The following GRIK1 variants were observed in gnomAD, a reference collection of about 807,000 sequenced individuals.
The protein encoded by GRIK1 is glutamate receptor ionotropic, kainate 1.
GRIK1 carries 69 observed loss-of-function variants against 105.7 expected under a neutral mutation model. The ratio of observed to expected loss-of-function variants is 0.65; its 90% CI spans 0.54 to 0.80. GRIK1 has a LOEUF of 0.80. Ranked by LOEUF, GRIK1 falls within the 30% of genes least tolerant of loss-of-function variation. The pLI is 0.00. For synonymous variants in GRIK1, 438 were observed against 431.3 expected, an observed-to-expected ratio of 1.02 and a Z score of -0.19; for missense variants, 1,109 against 1,167.3, an observed-to-expected ratio of 0.95 and a Z score of 0.73.
intron 1 of GRIK1, among the ~76,000 whole-genome samples, chr21:29,897,115 A>G (rs465022): frequency 0.22 from 33,635 of 152,094 alleles, 4,245 homozygotes; most frequent in African/African-American, 0.34. Context: ...CATACACACA[A>G]TCTCGACCTG....
At chr21:29,615,126 A>G (rs1601276258) in intron 7 of GRIK1, among the ~76,000 whole-genome samples, 2 of 151,626 alleles carry the variant, frequency 1.3e-5, no homozygotes, top group African/African-American at 2.4e-5. Flanking sequence ...GATGGAATGC[A>G]TAGTTTTTTT....
At chr21:29,639,692 A>G (rs560440339) in intron 7 of GRIK1, among the ~76,000 whole-genome samples, 1 of 152,322 alleles carries the variant, frequency 6.6e-6, no homozygotes, top group Admixed American at 6.5e-5. Flanking sequence ...ATCCTCTGCC[A>G]TGTAGAATTT....
chr21:29,729,781 T>G (rs1195058557), intron 1 of GRIK1, among the ~76,000 whole-genome samples: 1 of 152,164 alleles, frequency 6.6e-6, no homozygotes, highest in Non-Finnish European at 1.5e-5. Flanking sequence ...ATGTTACCTA[T>G]ATGTAAGAGG....
At chr21:29,830,844 T>C (rs547548680) in intron 1 of GRIK1, among the ~76,000 whole-genome samples, 1 of 152,162 alleles carries the variant, frequency 6.6e-6, no homozygotes, top group African/African-American at 2.4e-5. Flanking sequence ...GAGATTCCAA[T>C]AAAGATGAAA....
chr21:29,726,090 C>A (rs758773830), intron 1 of GRIK1, among the ~76,000 whole-genome samples: 7 of 152,166 alleles, frequency 4.6e-5, no homozygotes, highest in Non-Finnish European at 8.8e-5. Context: ...GCTTAAAAAA[C>A]CCCCTCCTGT....
At chr21:29,752,769 C>A (rs1215434192) in intron 1 of GRIK1, among the ~76,000 whole-genome samples, 5 of 152,188 alleles carry the variant, frequency 3.3e-5, no homozygotes, top group Admixed American at 3.3e-4. Context: ...CCCAGGAGTT[C>A]AAGGCTACAG....
At chr21:29,692,928 C>T (rs924423374) in intron 2 of GRIK1, among the ~76,000 whole-genome samples, 4 of 152,192 alleles carry the variant, frequency 2.6e-5, no homozygotes, top group African/African-American at 9.7e-5. Context: ...ATTTTGTTTG[C>T]AAAGAACACT....
intron 14 of GRIK1, among the ~76,000 whole-genome samples, chr21:29,569,828 C>T (rs778690088): frequency 5.9e-4 from 90 of 152,188 alleles, no homozygotes; most frequent in Non-Finnish European, 1.2e-3. Flanking sequence ...TTGTACATTT[C>T]TGACTTCCTG....
intron 1 of GRIK1, among the ~76,000 whole-genome samples, chr21:29,764,744 AG>A (rs1778404955): frequency 6.6e-6 from 1 of 152,230 alleles, no homozygotes; most frequent in African/African-American, 2.4e-5. Context: ...GAAATCAGAA[AG>A]GTACCTGCTC....
chr21:29,876,685 C>A (rs1034320247), intron 1 of GRIK1, among the ~76,000 whole-genome samples: 4 of 152,106 alleles, frequency 2.6e-5, no homozygotes, highest in African/African-American at 9.7e-5. Context: ...CTAATATGTT[C>A]TTTGGAGTTC....
chr21:29,859,904 G>A (rs937241633), intron 1 of GRIK1, among the ~76,000 whole-genome samples: 4 of 152,140 alleles, frequency 2.6e-5, no homozygotes, highest in Non-Finnish European at 4.4e-5. Flanking sequence ...ATAATGATAC[G>A]TAACTCATGG....
intron 4 of GRIK1, among the ~76,000 whole-genome samples, chr21:29,664,837 A>G (rs2063029340): frequency 6.6e-6 from 1 of 152,166 alleles, no homozygotes; most frequent in African/African-American, 2.4e-5. Flanking sequence ...CTTCTTTAGA[A>G]AATCTGACGG....
chr21:29,553,601 C>T (rs769191901), intron 16 of GRIK1: 11 of 1,606,348 alleles, frequency 6.8e-6, no homozygotes, highest in Admixed American at 1.7e-5. Flanking sequence ...TCTCTCCTCT[C>T]GAATTAATTT....
At chr21:29,893,354 T>G (rs897048162) in intron 1 of GRIK1, among the ~76,000 whole-genome samples, 2 of 152,196 alleles carry the variant, frequency 1.3e-5, no homozygotes, top group African/African-American at 4.8e-5. Flanking sequence ...ATACTATGAA[T>G]AAAACATTCT....
At chr21:29,860,054 C>T (rs2068588445) in intron 1 of GRIK1, among the ~76,000 whole-genome samples, 1 of 152,176 alleles carries the variant, frequency 6.6e-6, no homozygotes. Flanking sequence ...CATAAAGGGA[C>T]CTCACTTGAT....
chr21:29,630,596 T>C (rs1568911194), intron 7 of GRIK1: 1 of 471,462 alleles, frequency 2.1e-6, no homozygotes, highest in Non-Finnish European at 4.4e-6. Flanking sequence ...CTACGTGAGC[T>C]TGGAAGAGGA....
intron 1 of GRIK1, among the ~76,000 whole-genome samples, chr21:29,839,470 A>G (rs2067914152): frequency 6.6e-6 from 1 of 152,220 alleles, no homozygotes; most frequent in Non-Finnish European, 1.5e-5. Context: ...GGTAGACTAT[A>G]TTGATAGTCT....
At chr21:29,801,024 G>A (rs1403120279) in intron 1 of GRIK1, among the ~76,000 whole-genome samples, 10 of 152,112 alleles carry the variant, frequency 6.6e-5, no homozygotes, top group South Asian at 2.1e-4. Context: ...AGATCCGATG[G>A]TGGATCATTT....
At chr21:29,570,303 C>T (rs2090711216) in intron 14 of GRIK1, among the ~76,000 whole-genome samples, 1 of 152,016 alleles carries the variant, frequency 6.6e-6, no homozygotes, top group African/African-American at 2.4e-5. Flanking sequence ...GAGTTCAAGA[C>T]AAGCCTGTTC....
Sources: gnomAD v4.1 joint callset for allele counts (sites outside exome capture counted in the v4.1 genomes callset) on GRCh38, gnomAD v4.1.1 for gene constraint, MANE v1.5 for transcripts, NCBI Gene and HGNC (gene_info 2026-07-23, HGNC 2026-07-21) for gene names.